The following GABRB1 variants were observed in gnomAD, a reference collection of about 807,000 sequenced individuals.
The protein encoded by GABRB1 is gamma-aminobutyric acid receptor subunit beta-1.
A neutral mutation model predicts 51.6 loss-of-function variants in GABRB1; 17 were observed. That is an observed-to-expected ratio of 0.33 (90% CI 0.23 to 0.49). The LOEUF is 0.49. Among genes scored for constraint, GABRB1 ranks in the 20% least tolerant of loss-of-function variants. The pLI is 0.99. For synonymous variants in GABRB1, 247 were observed against 218.9 expected, an observed-to-expected ratio of 1.13 and a Z score of -1.14; for missense variants, 410 against 600.6, an observed-to-expected ratio of 0.68 and a Z score of 3.32.
intron 3 of GABRB1, among the ~76,000 whole-genome samples, chr4:47,123,113 G>A (rs1161169325): frequency 6.6e-6 from 1 of 151,460 alleles, no homozygotes; most frequent in Non-Finnish European, 1.5e-5. Context: ...CTGCCTTTTT[G>A]ACATCACAAA....
chr4:47,122,653 C>CTAA (rs1715829807), intron 3 of GABRB1, among the ~76,000 whole-genome samples: 6 of 152,004 alleles, frequency 3.9e-5, no homozygotes, highest in Non-Finnish European at 7.4e-5. Context: ...TAAGCAGGAG[C>CTAA]TAATGTCTCT....
chr4:47,132,349 C>T (rs559910320), intron 3 of GABRB1, among the ~76,000 whole-genome samples: 2 of 152,042 alleles, frequency 1.3e-5, no homozygotes, highest in South Asian at 2.1e-4. Context: ...GGCTTGTTTA[C>T]CATCTCTGTG....
intron 4 of GABRB1, among the ~76,000 whole-genome samples, chr4:47,201,545 G>A (rs542440535): frequency 2.6e-5 from 4 of 151,950 alleles, no homozygotes; most frequent in Non-Finnish European, 5.9e-5. Flanking sequence ...CCATGCTTGT[G>A]GTTACCTTTT....
chr4:47,313,499 G>A (rs185216935), intron 4 of GABRB1, among the ~76,000 whole-genome samples: 130 of 152,226 alleles, frequency 8.5e-4, no homozygotes, highest in Non-Finnish European at 1.4e-3. Flanking sequence ...AGAACAAATG[G>A]AAATACAAGA....
At chr4:47,037,557 G>GTT (rs11436333) in intron 3 of GABRB1, among the ~76,000 whole-genome samples, 10,837 of 143,696 alleles carry the variant, frequency 0.075, 531 homozygotes, top group Middle Eastern at 0.16. Flanking sequence ...GTTGTTTTTT[G>GTT]TTTTTTTTTT....
intron 4 of GABRB1, among the ~76,000 whole-genome samples, chr4:47,298,623 T>A (rs1181870576): frequency 2.6e-5 from 4 of 152,212 alleles, no homozygotes; most frequent in African/African-American, 9.6e-5. Context: ...TCCATGCTCA[T>A]GGGTAGGAAG....
At chr4:47,025,816 T>C (rs1577835167) in intron 1 of GABRB1, among the ~76,000 whole-genome samples, 2 of 152,020 alleles carry the variant, frequency 1.3e-5, no homozygotes, top group Non-Finnish European at 2.9e-5. Flanking sequence ...TATCCTCTTC[T>C]CATTATCCCC....
At chr4:47,355,834 G>A (rs538577975) in intron 5 of GABRB1, among the ~76,000 whole-genome samples, 3 of 152,116 alleles carry the variant, frequency 2.0e-5, no homozygotes, top group African/African-American at 4.8e-5. Context: ...GACTTTTCCT[G>A]AGAGGCTGTA....
At chr4:47,304,892 C>T (rs987487498) in intron 4 of GABRB1, among the ~76,000 whole-genome samples, 1 of 152,080 alleles carries the variant, frequency 6.6e-6, no homozygotes, top group African/African-American at 2.4e-5. Flanking sequence ...CAGAAATCCT[C>T]TTGTACCATG....
In GABRB1 at chr4:47,084,427, T is replaced by C. The variant is rs148478431; in HGVS notation, c.240+51943T>C. On this transcript the variant is annotated intron_variant, in intron 3 of 8. Coordinates refer to ENST00000295454, the MANE Select transcript of GABRB1 (RefSeq NM_000812.4). ...CTCATACATGCATTTCAAAAATATA[T>C]ACCAAATAAAAGTGAATGCAAGGTG... Among the ~76,000 whole-genome samples, 275 of 152,266 alleles carry C rather than the reference T, an allele frequency of 1.8e-3. 1 individual carries two copies. Among genetic ancestry groups the C allele is most frequent in the African/African-American group, 6.3e-3 (261 of 41,566 alleles).
At chr4:47,161,536 T>C (rs1019032321) in intron 4 of GABRB1, 67 bp downstream of exon 4, 1 of 1,314,350 alleles carries the variant, frequency 7.6e-7, no homozygotes, top group Admixed American at 1.8e-5. Context: ...CTTTTGGAAG[T>C]GGGCAAAGGG....
At chr4:47,404,559 C>T (rs779144026) in intron 7 of GABRB1, among the ~76,000 whole-genome samples, 23 of 151,358 alleles carry the variant, frequency 1.5e-4, no homozygotes, top group Non-Finnish European at 2.9e-4. Context: ...CATATTTCAT[C>T]TCTTCACTTC....
intron 4 of GABRB1, among the ~76,000 whole-genome samples, chr4:47,300,826 G>A (rs1226418087): frequency 6.6e-6 from 1 of 152,024 alleles, no homozygotes; most frequent in Non-Finnish European, 1.5e-5. Context: ...CTGAATACAA[G>A]ATTCTTAATT....
chr4:47,248,382 G>A (rs1721847159), intron 4 of GABRB1, among the ~76,000 whole-genome samples: 1 of 152,030 alleles, frequency 6.6e-6, no homozygotes, highest in African/African-American at 2.4e-5. Flanking sequence ...CTTGATCATG[G>A]TGGATTATCT....
intron 4 of GABRB1, among the ~76,000 whole-genome samples, chr4:47,189,339 A>G (rs1265505124): frequency 6.6e-6 from 1 of 151,898 alleles, no homozygotes; most frequent in East Asian, 1.9e-4. Context: ...AGTCCAAGGA[A>G]GCAGGTGAAT....
intron 5 of GABRB1, among the ~76,000 whole-genome samples, chr4:47,389,734 T>C (rs905714222): frequency 2.0e-5 from 3 of 152,218 alleles, no homozygotes; most frequent in African/African-American, 4.8e-5. Flanking sequence ...TTAAACCCAG[T>C]TGACTCTCTT....
intron 3 of GABRB1, among the ~76,000 whole-genome samples, chr4:47,107,866 T>C (rs113701538): frequency 5.9e-5 from 9 of 152,186 alleles, no homozygotes; most frequent in African/African-American, 1.9e-4. Context: ...AGAGTAACTT[T>C]TAGATAGTAT....
chr4:47,073,246 G>C (rs762879129), intron 3 of GABRB1, among the ~76,000 whole-genome samples: 7 of 152,124 alleles, frequency 4.6e-5, no homozygotes, highest in Admixed American at 4.6e-4. Flanking sequence ...GTTACCATCC[G>C]AATGTCTGGA....
At chr4:47,205,474 C>T (rs1055032421) in intron 4 of GABRB1, among the ~76,000 whole-genome samples, 2 of 151,974 alleles carry the variant, frequency 1.3e-5, no homozygotes, top group African/African-American at 4.8e-5. Context: ...TTAATTTTGT[C>T]CAAAGCAAAC....
Sources: gnomAD v4.1 joint callset for allele counts (sites outside exome capture counted in the v4.1 genomes callset) on GRCh38, gnomAD v4.1.1 for gene constraint, MANE v1.5 for transcripts, NCBI Gene and HGNC (gene_info 2026-07-23, HGNC 2026-07-21) for gene names.